Variants in SNRNP27 observed in about 807,000 individuals in gnomAD.
SNRNP27 encodes U4/U6.U5 small nuclear ribonucleoprotein 27 kDa protein.
SNRNP27 carries 22 observed loss-of-function variants against 25.1 expected under a neutral mutation model. The ratio of observed to expected loss-of-function variants is 0.88; its 90% CI spans 0.63 to 1.25. The LOEUF (loss-of-function observed/expected upper bound fraction) is 1.25. SNRNP27 is among the 50% of genes most tolerant of loss of function. The probability of loss-of-function intolerance (pLI) is 0.00; values close to 1 mark genes in which losing one functional copy is unlikely to be tolerated. For synonymous variants in SNRNP27, 66 were observed against 64.9 expected, an observed-to-expected ratio of 1.02 and a Z score of -0.08; for missense variants, 150 against 202.3, an observed-to-expected ratio of 0.74 and a Z score of 1.57.
At chr2:69,897,702 A>T in intron 4 of SNRNP27, 1 of 414,872 alleles carries the variant, frequency 2.4e-6, no homozygotes, top group Non-Finnish European at 4.4e-6. Flanking sequence ...AAGAGGAAGA[A>T]GATTATTTCA....
At chr2:69,903,409 T>C in intron 5 of SNRNP27, 164 bp downstream of exon 5, 1 of 614,252 alleles carries the variant, frequency 1.6e-6, no homozygotes. Flanking sequence ...AAAATTGTTT[T>C]CCCATTTACA....
In SNRNP27 at chr2:69,905,236, A is replaced by C. The variant is rs971079792; in HGVS notation, c.*928A>C. The C allele has an allele frequency of 6.6e-6, 1 of 152,106 alleles. No individual in the cohort carries two copies. The highest frequency in any genetic ancestry group is 2.4e-5 in the African/African-American group (1 of 41,434). 9.4% of individuals were successfully genotyped at this position (152,106 alleles called of 1,614,324 possible). ...ACTACTATCTGTCTCCATTACATAC[A>C]TATTTTTGTATGTTTCATTATTTCC... On this transcript the variant is annotated 3_prime_UTR_variant, in exon 6 of 6. Transcript: ENST00000244227.
At chr2:69,902,128 G>C (rs1007059024) in intron 4 of SNRNP27, among the ~76,000 whole-genome samples, 13 of 152,230 alleles carry the variant, frequency 8.5e-5, no homozygotes, top group African/African-American at 3.1e-4. Context: ...AATGTGAGCA[G>C]AGAGTTATAC....
At chr2:69,898,922 T>C (rs1676647345) in intron 4 of SNRNP27, among the ~76,000 whole-genome samples, 1 of 152,198 alleles carries the variant, frequency 6.6e-6, no homozygotes, top group Admixed American at 6.5e-5. Flanking sequence ...AAGATATATG[T>C]TGGGTGAATT....
chr2:69,903,437 TAGAG>T (rs1676743580), intron 5 of SNRNP27, 192 bp downstream of exon 5: 2 of 551,146 alleles, frequency 3.6e-6, no homozygotes, highest in South Asian at 2.3e-5. Context: ...TAATAGCTAT[TAGAG>T]AGAGGGTAGT....
At chr2:69,894,265 T>G (rs1320152468) in intron 1 of SNRNP27, among the ~76,000 whole-genome samples, 1 of 152,178 alleles carries the variant, frequency 6.6e-6, no homozygotes, top group Non-Finnish European at 1.5e-5. Context: ...ATACAATAAC[T>G]TTTATTACAC....
intron 5 of SNRNP27, 174 bp downstream of exon 5, chr2:69,903,419 A>G (rs1434571448): frequency 6.7e-6 from 4 of 595,138 alleles, no homozygotes; most frequent in Admixed American, 2.9e-5. Context: ...TCCCATTTAC[A>G]TGTAAGCTAA....
At chr2:69,897,312 C>T (rs1203901794) in intron 3 of SNRNP27, 65 bp from the exon 4 acceptor site, 8 of 1,108,708 alleles carry the variant, frequency 7.2e-6, no homozygotes, top group Admixed American at 3.6e-5. Flanking sequence ...CTGTTACCAC[C>T]TCTCTTTTTA....
At position 69,904,338 on chromosome 2, in the gene SNRNP27, TC is replaced by T; in HGVS notation, c.*34del. The stretch of plus-strand genomic sequence containing the variant: ...TGAAGTGTTGAAGGATGATTTTTTT[TC>T]CCCTCATCTTGGTCAGAGAGTGGAT... On this transcript the variant is annotated 3_prime_UTR_variant, in exon 6 of 6. Coordinates refer to ENST00000244227, the MANE Select transcript of SNRNP27 (RefSeq NM_006857.3). 1 of 1,571,390 alleles carries T rather than the reference TC, an allele frequency of 6.4e-7. No homozygotes were observed. The highest frequency in any genetic ancestry group is 1.7e-5 in the Admixed American group (1 of 59,540).
At chr2:69,896,624 A>G in intron 3 of SNRNP27, 76 bp downstream of exon 3, 1 of 1,401,848 alleles carries the variant, frequency 7.1e-7, no homozygotes, top group Non-Finnish European at 9.6e-7. Flanking sequence ...TTGAACATTT[A>G]AATGTTAAGC....
chr2:69,894,374 G>A (rs1676563528), intron 1 of SNRNP27, among the ~76,000 whole-genome samples: 1 of 152,188 alleles, frequency 6.6e-6, no homozygotes, highest in African/African-American at 2.4e-5. Flanking sequence ...CGAATTCCCA[G>A]AATGAGTCAT....
At chr2:69,895,292 T>C in intron 2 of SNRNP27, 78 bp downstream of exon 2, 1 of 1,539,500 alleles carries the variant, frequency 6.5e-7, no homozygotes, top group Non-Finnish European at 8.8e-7. Flanking sequence ...AACTTTGTTT[T>C]CATCGCTTAT....
At position 69,897,437 on chromosome 2, in the gene SNRNP27, CCTCCTTTGA is replaced by C; in HGVS notation, c.334_342del (p.Phe112_Ser114del). On this transcript the variant is annotated inframe_deletion, in exon 4 of 6. Coordinates refer to ENST00000244227, the MANE Select transcript of SNRNP27 (RefSeq NM_006857.3). ...GAAATGATGAAGTTAATGGGATTTG[CCTCCTTTGA>C]CTCCACAAAAGTAAGTAAAACGTGC... is the stretch of plus-strand genomic sequence containing the variant. 6.2e-7 allele frequency: 1 copy of C among 1,612,888 alleles called. No individual in the cohort carries two copies. Among genetic ancestry groups the C allele is most frequent in the Non-Finnish European group, 8.5e-7 (1 of 1,179,116 alleles).
At chr2:69,897,673 T>C (rs6720498) in intron 4 of SNRNP27, 257,254 of 509,492 alleles carry the variant, frequency 0.5, 69,097 homozygotes, top group African/African-American at 0.79. Context: ...AAAGGACAAG[T>C]AGAAGTGATC....
Position 69,895,187 on chromosome 2 carries a change from C to T in SNRNP27, c.128C>T (p.Ser43Leu). ...SRERDRRRSR[S>L]RSPHRRRSRS... ...GAGAGAGATCGGAGAAGGAGCCGCT[C>T]GCGATCCCCGCACCGAAGACGCTCC... Residue 43 changes from serine to leucine, a missense_variant, in exon 2 of 6, where the codon TCG (serine) becomes TTG (leucine). Ser to Leu is a moderately radical substitution (Grantham distance 145). Transcript: ENST00000244227. The T allele has an allele frequency of 6.2e-7, 1 of 1,614,112 alleles. No individual in the cohort carries two copies. The highest frequency in any genetic ancestry group is 8.5e-7 in the Non-Finnish European group (1 of 1,180,014).
At chr2:69,897,282 G>GA in intron 3 of SNRNP27, 95 bp from the exon 4 acceptor site, 1 of 787,302 alleles carries the variant, frequency 1.3e-6, no homozygotes, top group Non-Finnish European at 2.1e-6. Flanking sequence ...CTCTGCTAGT[G>GA]AGGTGGAATG....
chr2:69,894,950 T>A (rs1676572536), intron 1 of SNRNP27, 144 bp from the exon 2 acceptor site: 1 of 1,169,030 alleles, frequency 8.6e-7, no homozygotes, highest in African/African-American at 1.5e-5. Context: ...AGTGCTGGGA[T>A]TACAGGCGTG....
Position 69,896,487 on chromosome 2 carries a change from A to G in SNRNP27, c.207A>G (p.Glu69=). The change falls in exon 3 of 6, where the codon GAA becomes GAG. Residue 69 remains glutamate (E), a synonymous_variant. Transcript: ENST00000244227. The stretch of plus-strand genomic sequence containing the variant: ...CTCCTTCCCCTTCTCGACTGAAAGA[A>G]AGAAGAGATGAGGAAAAGAAAGAAA... The part of the protein sequence containing the change: ...STSPSPSRLK[E]RRDEEKKETK... The G allele has an allele frequency of 1.9e-6, 3 of 1,610,878 alleles. No individual in the cohort carries two copies. The highest frequency in any genetic ancestry group is 2.5e-6 in the Non-Finnish European group (3 of 1,178,084).
In SNRNP27 at chr2:69,893,993, C is replaced by G; in HGVS notation, c.9C>G (p.Arg3=). MG[R]SRSRSPRRER... is the part of the protein sequence containing the mutation. ...GGGAAGCGGGACTCCAAATGGGTCG[C>G]AGTCGCAGCCGCTCTCCACGGAGGG... The change falls in exon 1 of 6, where the codon CGC becomes CGG. Residue 3 remains arginine, a synonymous_variant. Coordinates refer to ENST00000244227, the MANE Select transcript of SNRNP27 (RefSeq NM_006857.3). 6.2e-7 allele frequency: 1 copy of G among 1,614,060 alleles called. No homozygotes were observed. Among genetic ancestry groups the G allele is most frequent in the Non-Finnish European group, 8.5e-7 (1 of 1,179,964 alleles).
Sources: allele counts gnomAD v4.1 joint callset (sites outside exome capture counted in the v4.1 genomes callset), GRCh38; gene constraint gnomAD v4.1.1; transcripts MANE v1.5; gene names NCBI Gene and HGNC (gene_info 2026-07-23, HGNC 2026-07-21).